The following TUSC3 variants were observed in gnomAD, a reference collection of about 807,000 sequenced individuals.
TUSC3 encodes tumor suppressor candidate 3, also known as dolichyl-diphosphooligosaccharide--protein glycosyltransferase subunit TUSC3.
In TUSC3, 45 loss-of-function variants were observed where a neutral mutation model predicts 44.8. The ratio of observed to expected loss-of-function variants is 1.00; its 90% confidence interval spans 0.79 to 1.29. The LOEUF is 1.29. TUSC3 is among the 50% of genes most tolerant of loss of function. The probability of loss-of-function intolerance (pLI) is 0.00; values close to 1 mark genes in which losing one functional copy is unlikely to be tolerated. For synonymous variants in TUSC3, 212 were observed against 152.9 expected (o/e 1.39, Z -2.85); for missense variants, 519 against 437.9 (o/e 1.19, Z -1.65).
rs894685548 is a variant in TUSC3, at chr8:15,427,137, T to C, written n.91+9832T>C. 8.0e-5 allele frequency among the ~76,000 whole-genome samples: 12 copies of C among 150,482 alleles called. No individual in the cohort carries two copies. The East Asian group carries it at 1.3e-3, about 17-fold the overall frequency. On this transcript the variant is annotated intron_variant and non_coding_transcript_variant, in intron 1 of 5. Coordinates refer to the TUSC3 transcript ENST00000503191. ...TTACATACTTTGGAAATTAACCCCT[T>C]ATGAGATACATAGTTTACAAATACT...
intron 1 of TUSC3, among the ~76,000 whole-genome samples, chr8:15,615,084 T>C (rs1480158561): frequency 1.3e-5 from 2 of 152,032 alleles, no homozygotes; most frequent in Admixed American, 6.6e-5. Context: ...ACAACAACCA[T>C]AATATTCAGC....
intron 1 of TUSC3, among the ~76,000 whole-genome samples, chr8:15,602,619 T>C (rs1334493174): frequency 2.0e-5 from 3 of 151,206 alleles, no homozygotes; most frequent in Non-Finnish European, 4.4e-5. Flanking sequence ...TGAATGGAGT[T>C]GTAATAGGTG....
At chr8:15,536,053 C>T (rs1801517701), upstream of TUSC3, among the ~76,000 whole-genome samples, 1 of 152,220 alleles carries the variant, frequency 6.6e-6, no homozygotes, top group Middle Eastern at 3.4e-3. Flanking sequence ...TTATATGTGG[C>T]CCACAACACT....
intron 1 of TUSC3, among the ~76,000 whole-genome samples, chr8:15,560,766 G>A (rs1480635417): frequency 1.7e-5 from 2 of 119,892 alleles, no homozygotes; most frequent in Admixed American, 8.9e-5. Flanking sequence ...ATCTTCCATC[G>A]CTGATACCCT....
chr8:15,807,850 T>C, the TUSC3 span, among the ~76,000 whole-genome samples: 1 of 152,102 alleles, frequency 6.6e-6, no homozygotes, highest in Non-Finnish European at 1.5e-5. Flanking sequence ...CAATAGACAC[T>C]GGGGACTCAC....
At chr8:15,831,741 A>AG in the TUSC3 span, among the ~76,000 whole-genome samples, 2 of 152,202 alleles carry the variant, frequency 1.3e-5, no homozygotes, top group African/African-American at 4.8e-5. Flanking sequence ...AAGAGAATAG[A>AG]GAAAAAAGAA....
At chr8:15,600,406 T>G (rs1804237234) in intron 1 of TUSC3, among the ~76,000 whole-genome samples, 1 of 151,766 alleles carries the variant, frequency 6.6e-6, no homozygotes, top group Non-Finnish European at 1.5e-5. Flanking sequence ...TTAGAGAATA[T>G]GAACATAATC....
rs150421078 is a variant in TUSC3 at position 15,511,203 on chromosome 8, C to G, written n.189+27720C>G. ...TCAAGAAGGTTCACTCTTACTACTC[C>G]TATTCAGTATAGTGCTGGAATGAAT... On this transcript the variant is annotated intron_variant and non_coding_transcript_variant, in intron 2 of 5. Transcript: ENST00000503191. 1.9e-4 allele frequency among the ~76,000 whole-genome samples: 29 copies of G among 151,944 alleles called. No individual in the cohort carries two copies. The East Asian group carries it at 4.7e-3, about 24-fold the overall frequency.
At chr8:15,566,066 G>A (rs1191939996) in intron 1 of TUSC3, among the ~76,000 whole-genome samples, 25 of 151,934 alleles carry the variant, frequency 1.6e-4, no homozygotes, top group Admixed American at 1.5e-3. Flanking sequence ...TGTTTTTTCT[G>A]TCCATCGTTT....
At chr8:15,621,741 T>A (rs1224175280) in intron 1 of TUSC3, among the ~76,000 whole-genome samples, 2 of 150,986 alleles carry the variant, frequency 1.3e-5, no homozygotes, top group African/African-American at 4.9e-5. Context: ...AAGATCAATT[T>A]CAGTTGATGC....
At chr8:15,806,990 TC>T in the TUSC3 span, 1 of 1,461,734 alleles carries the variant, frequency 6.8e-7, no homozygotes, top group East Asian at 2.3e-5. Flanking sequence ...CTGATTCCAT[TC>T]TTTACATTTT....
chr8:15,654,064 G>A (rs187086336), intron 3 of TUSC3, among the ~76,000 whole-genome samples: 2 of 152,292 alleles, frequency 1.3e-5, no homozygotes, highest in East Asian at 3.9e-4. Context: ...GTGCTCTGCT[G>A]TGGGTAGCCC....
upstream of TUSC3, among the ~76,000 whole-genome samples, chr8:15,538,080 G>A (rs4831741): frequency 2.0e-5 from 3 of 152,132 alleles, no homozygotes; most frequent in East Asian, 1.9e-4. Context: ...CCCACCAGCC[G>A]CAGGCAATCA....
intron 1 of TUSC3, among the ~76,000 whole-genome samples, chr8:15,470,660 A>T (rs773891237): frequency 3.9e-5 from 6 of 152,312 alleles, no homozygotes; most frequent in Non-Finnish European, 4.4e-5. Flanking sequence ...AATTCCTTCC[A>T]TTCAAAGTCC....
At chr8:15,516,431 C>T (rs1479654775) in intron 2 of TUSC3, among the ~76,000 whole-genome samples, 2 of 152,178 alleles carry the variant, frequency 1.3e-5, no homozygotes, top group Non-Finnish European at 2.9e-5. Flanking sequence ...AAGCATTACA[C>T]TTGGGATCTC....
chr8:15,642,300 C>T (rs779726686), intron 2 of TUSC3, among the ~76,000 whole-genome samples: 2 of 152,070 alleles, frequency 1.3e-5, no homozygotes, highest in Non-Finnish European at 2.9e-5. Context: ...GTATGTGAAT[C>T]TCTATGCTTT....
At chr8:15,643,114 T>G (rs1806459347) in intron 2 of TUSC3, among the ~76,000 whole-genome samples, 1 of 152,160 alleles carries the variant, frequency 6.6e-6, no homozygotes, top group Non-Finnish European at 1.5e-5. Flanking sequence ...TTTTCCGCCT[T>G]TGCTTGGCAC....
At chr8:15,723,502 C>T (rs954275469) in intron 6 of TUSC3, among the ~76,000 whole-genome samples, 5 of 152,086 alleles carry the variant, frequency 3.3e-5, no homozygotes, top group Non-Finnish European at 7.3e-5. Context: ...TTTTTTGTCA[C>T]CTGGATGTAG....
chr8:15,497,988 A>G (rs1008321579), intron 2 of TUSC3, among the ~76,000 whole-genome samples: 4 of 151,968 alleles, frequency 2.6e-5, no homozygotes. Flanking sequence ...ACCTAAAATG[A>G]TCCGCCCCCC....
Sources: allele counts gnomAD v4.1 joint callset (sites outside exome capture counted in the v4.1 genomes callset), GRCh38; gene constraint gnomAD v4.1.1; transcripts MANE v1.5; gene names NCBI Gene and HGNC (gene_info 2026-07-23, HGNC 2026-07-21).